The following EDIL3 variants were observed in gnomAD, a reference collection of about 807,000 sequenced individuals.
The protein encoded by EDIL3 is EGF-like repeat and discoidin I-like domain-containing protein 3.
Under a neutral mutation model 67.4 loss-of-function variants are expected in EDIL3, and 37 were observed. The observed-to-expected ratio is 0.55, with a 90% CI of 0.42 to 0.72. The LOEUF (loss-of-function observed/expected upper bound fraction) is 0.72, where lower values mean the gene tolerates loss of function less well. Among genes scored for constraint, EDIL3 ranks in the 30% least tolerant of loss-of-function variants. EDIL3 has a pLI of 0.00. For missense variants in EDIL3, 527 were observed against 586.3 expected (o/e 0.90, Z 1.04); for synonymous variants, 195 against 196.3 (o/e 0.99, Z 0.05).
intron 5 of EDIL3, among the ~76,000 whole-genome samples, chr5:84,109,712 C>G (rs1409692237): frequency 6.6e-6 from 1 of 151,930 alleles, no homozygotes; most frequent in African/African-American, 2.4e-5. Flanking sequence ...AAAAATACCC[C>G]CCAAAAACCA....
In EDIL3 at chr5:84,088,517, T is replaced by A. The variant is rs3797659; in HGVS notation, c.651+18132A>T. ...GTAAGATAAAAATATTCACATATAC[T>A]TCTAAAATTCAGTACTTCATCTCTT... On this transcript the variant is annotated intron_variant, in intron 6 of 10. Coordinates refer to ENST00000296591, the MANE Select transcript of EDIL3 (RefSeq NM_005711.5). Among the ~76,000 whole-genome samples the A allele has an allele frequency of 3.8e-3, 586 of 152,346 alleles. 29 individuals are homozygous for A. The East Asian group carries it at 0.1, about 26-fold the overall frequency.
chr5:84,136,736 T>C (rs1461828262), intron 5 of EDIL3, among the ~76,000 whole-genome samples: 1 of 152,170 alleles, frequency 6.6e-6, no homozygotes, highest in Non-Finnish European at 1.5e-5. Flanking sequence ...GTTCTCACTG[T>C]GTTGCCCAGG....
chr5:84,245,914 T>TAAAAAA (rs35831418), intron 2 of EDIL3, among the ~76,000 whole-genome samples: 2 of 144,024 alleles, frequency 1.4e-5, no homozygotes, highest in African/African-American at 2.5e-5. Flanking sequence ...TTCTAAAATG[T>TAAAAAA]AAAAAAAAAA....
At chr5:84,296,210 T>G (rs1746048823) in intron 1 of EDIL3, among the ~76,000 whole-genome samples, 1 of 152,166 alleles carries the variant, frequency 6.6e-6, no homozygotes, top group African/African-American at 2.4e-5. Context: ...CTCTTTCCTC[T>G]CCCCAGGGAA....
At chr5:84,362,494 T>C (rs1387176051) in intron 1 of EDIL3, among the ~76,000 whole-genome samples, 1 of 152,178 alleles carries the variant, frequency 6.6e-6, no homozygotes, top group Non-Finnish European at 1.5e-5. Context: ...TCCAAATGAC[T>C]TCAATATCAT....
At chr5:84,176,209 AT>A (rs1748907186) in intron 4 of EDIL3, among the ~76,000 whole-genome samples, 1 of 37,484 alleles carries the variant, frequency 2.7e-5, no homozygotes, top group Non-Finnish European at 5.8e-5. Flanking sequence ...ATATATATAT[AT>A]ATATATATAT....
chr5:84,229,975 T>A, intron 2 of EDIL3, 91 bp from the exon 3 acceptor site: 1 of 1,205,900 alleles, frequency 8.3e-7, no homozygotes, highest in Non-Finnish European at 1.2e-6. Flanking sequence ...AAAGAGATAT[T>A]GAGATTGAAC....
intron 5 of EDIL3, among the ~76,000 whole-genome samples, chr5:84,111,300 T>C (rs1412799284): frequency 6.6e-6 from 1 of 152,190 alleles, no homozygotes; most frequent in Non-Finnish European, 1.5e-5. Context: ...AGGCATTCAG[T>C]CACAGAATTA....
intron 3 of EDIL3, among the ~76,000 whole-genome samples, chr5:84,191,542 G>A (rs1478727231): frequency 6.6e-6 from 1 of 151,992 alleles, no homozygotes; most frequent in Non-Finnish European, 1.5e-5. Context: ...CGTGGATTCT[G>A]GCCAGCTGGC....
intron 1 of EDIL3, among the ~76,000 whole-genome samples, chr5:84,340,534 C>CTCTCTATA (rs1432966515): frequency 1.0e-3 from 56 of 54,196 alleles, no homozygotes; most frequent in South Asian, 3.6e-3. Flanking sequence ...CTCTCTCTCT[C>CTCTCTATA]TATATATATA....
intron 3 of EDIL3, among the ~76,000 whole-genome samples, chr5:84,203,687 C>T (rs1442835870): frequency 3.3e-5 from 5 of 152,264 alleles, no homozygotes; most frequent in Middle Eastern, 3.4e-3. Flanking sequence ...GCACTGTACT[C>T]GCACAAGTGG....
At chr5:83,947,380 T>C (rs984853000) in intron 10 of EDIL3, among the ~76,000 whole-genome samples, 20 of 150,898 alleles carry the variant, frequency 1.3e-4, no homozygotes, top group African/African-American at 4.6e-4. Flanking sequence ...TGTGTGTGTG[T>C]GTGTGTGTGT....
intron 1 of EDIL3, among the ~76,000 whole-genome samples, chr5:84,286,379 A>G (rs184433873): frequency 6.6e-6 from 1 of 152,286 alleles, no homozygotes; most frequent in Admixed American, 6.5e-5. Context: ...TTATTAATGG[A>G]AAATGAAATA....
At chr5:83,983,638 C>T in intron 9 of EDIL3, among the ~76,000 whole-genome samples, 1 of 151,948 alleles carries the variant, frequency 6.6e-6, no homozygotes, top group East Asian at 1.9e-4. Context: ...GACTTTAATG[C>T]CTTTTCAGTA....
chr5:84,033,068 C>T (rs1263143847), intron 9 of EDIL3, among the ~76,000 whole-genome samples: 4 of 152,114 alleles, frequency 2.6e-5, no homozygotes, highest in Admixed American at 2.0e-4. Flanking sequence ...AACAGGTATA[C>T]CCATCAAGGA....
chr5:84,193,894 G>C (rs1293296605), intron 3 of EDIL3, among the ~76,000 whole-genome samples: 2 of 151,900 alleles, frequency 1.3e-5, no homozygotes, highest in Non-Finnish European at 2.9e-5. Flanking sequence ...TTCATGAATT[G>C]AATATACTGG....
At chr5:84,066,658 T>C (rs1201559945) in intron 6 of EDIL3, 52 bp from the exon 7 acceptor site, 1 of 1,563,996 alleles carries the variant, frequency 6.4e-7, no homozygotes, top group South Asian at 1.2e-5. Context: ...AGGATAACAA[T>C]ACTGAAAATA....
chr5:84,174,657 G>A (rs931430289), intron 4 of EDIL3, among the ~76,000 whole-genome samples: 1 of 152,128 alleles, frequency 6.6e-6, no homozygotes, highest in Non-Finnish European at 1.5e-5. Flanking sequence ...GTTAGGCAGA[G>A]AACCTCTTCA....
At chr5:84,206,864 T>A (rs914406512) in intron 3 of EDIL3, among the ~76,000 whole-genome samples, 7 of 152,218 alleles carry the variant, frequency 4.6e-5, no homozygotes, top group African/African-American at 1.7e-4. Flanking sequence ...CGCTAAAAAC[T>A]CTCAATAAAT....
Sources: allele counts gnomAD v4.1 joint callset (sites outside exome capture counted in the v4.1 genomes callset), GRCh38; gene constraint gnomAD v4.1.1; transcripts MANE v1.5; gene names NCBI Gene and HGNC (gene_info 2026-07-23, HGNC 2026-07-21).